SCNN1B: variants seen among roughly 807,000 people sequenced by gnomAD.
SCNN1B encodes epithelial sodium channel subunit beta.
In SCNN1B, 46 loss-of-function variants were observed where a neutral mutation model predicts 65.3. That is an observed-to-expected ratio of 0.70 (90% CI 0.56 to 0.90). SCNN1B has a LOEUF of 0.90. Among genes scored for constraint, SCNN1B ranks in the 40% least tolerant of loss-of-function variants. The probability of loss-of-function intolerance (pLI) is 0.00; values close to 1 mark genes in which losing one functional copy is unlikely to be tolerated. For synonymous variants in SCNN1B, 349 were observed against 330.6 expected, an observed-to-expected ratio of 1.06 and a Z score of -0.60; for missense variants, 751 against 830.5, an observed-to-expected ratio of 0.90 and a Z score of 1.18.
intron 2 of SCNN1B, among the ~76,000 whole-genome samples, chr16:23,351,418 A>G (rs7185826): frequency 0.087 from 13,254 of 152,206 alleles, 624 homozygotes; most frequent in Middle Eastern, 0.15. Context: ...TGACCCATCA[A>G]GCTTCCCAGA....
In SCNN1B at chr16:23,305,555, TATATATATATATATATATATATTATA is replaced by T. The variant is rs1961187770; in HGVS notation, c.-9+3119_-9+3144del. 2.4e-4 allele frequency among the ~76,000 whole-genome samples: 12 copies of T among 49,550 alleles called. 2 individuals are homozygous for T. Among genetic ancestry groups the T allele is most frequent in the African/African-American group, 1.5e-3 (9 of 6,160 alleles). The allele number at this position is 49,550 out of a possible 152,430, so 32.5% of individuals were successfully genotyped here. ...TATATTATATATATATATATATATA[TATATATATATATATATATATATTATA>T]TATATATATATATATATAACCTGGG... On this transcript the variant is annotated intron_variant, in intron 1 of 12. Coordinates refer to ENST00000343070, the MANE Select transcript of SCNN1B (RefSeq NM_000336.3).
intron 1 of SCNN1B, among the ~76,000 whole-genome samples, chr16:23,305,534 T>TATTA (rs1555483371): frequency 1.4e-4 from 1 of 7,372 alleles, no homozygotes; most frequent in Non-Finnish European, 2.6e-4. Flanking sequence ...AATATATATA[T>TATTA]TATATATATA....
intron 1 of SCNN1B, among the ~76,000 whole-genome samples, chr16:23,347,217 C>T (rs1962208739): frequency 6.6e-6 from 1 of 152,140 alleles, no homozygotes; most frequent in South Asian, 2.1e-4. Flanking sequence ...TGTTTCATAG[C>T]TCTGCTTTTT....
rs574936353 is a variant in SCNN1B, at chr16:23,334,573, T to G, written c.-8-14019T>G. On this transcript the variant is annotated intron_variant, in intron 1 of 12. Transcript: ENST00000343070. Reference sequence around the variant, plus strand: ...GGCACACCCGTCTGGACTGCCCTAGTCCTGCCTTAACCTGCAGCAGCTGTT... The same window carrying G: ...GGCACACCCGTCTGGACTGCCCTAGGCCTGCCTTAACCTGCAGCAGCTGTT... Among the ~76,000 whole-genome samples the G allele has an allele frequency of 3.9e-5, 6 of 152,346 alleles. No homozygotes were observed. The South Asian group carries it at 1.0e-3, about 26-fold the overall frequency.
At chr16:23,350,353 A>G (rs1962282281) in intron 2 of SCNN1B, among the ~76,000 whole-genome samples, 1 of 152,086 alleles carries the variant, frequency 6.6e-6, no homozygotes, top group Admixed American at 6.6e-5. Context: ...ATTCTTCCGG[A>G]TTGCCCGTTC....
chr16:23,289,437 G>C lies in SCNN1B; in HGVS notation n.178+5633G>C, dbSNP rs568937377. ...CTGGGCATGGTGGTGTGTAGTCCTG[G>C]ATACTCAGGAGGCTGAAGCTGGAGG... On this transcript the variant is annotated intron_variant and non_coding_transcript_variant, in intron 2 of 3. Coordinates refer to the SCNN1B transcript ENST00000569789. 2.6e-5 allele frequency among the ~76,000 whole-genome samples: 4 copies of C among 152,140 alleles called. No individual in the cohort carries two copies. The South Asian group carries it at 8.3e-4, about 32-fold the overall frequency.
At chr16:23,295,951 A>C (rs1960991031) in intron 2 of SCNN1B, among the ~76,000 whole-genome samples, 2 of 152,180 alleles carry the variant, frequency 1.3e-5, no homozygotes, top group South Asian at 4.1e-4. Context: ...ATGGAAAAGT[A>C]TGCGCTCTGA....
At chr16:23,292,103 T>C (rs1960933352) in intron 2 of SCNN1B, among the ~76,000 whole-genome samples, 1 of 150,198 alleles carries the variant, frequency 6.7e-6, no homozygotes, top group South Asian at 2.1e-4. Context: ...CCCTGCCCCC[T>C]GCTCTGCCCT....
At chr16:23,367,751 C>T (rs1962699424) in intron 4 of SCNN1B, 105 bp from the exon 5 acceptor site, 2 of 911,508 alleles carry the variant, frequency 2.2e-6, no homozygotes, top group Admixed American at 3.4e-5. Flanking sequence ...TCGCCTCTCC[C>T]TTTCGGAGCC....
At chr16:23,379,076 CCCAG>C (rs1962976832) in intron 11 of SCNN1B, among the ~76,000 whole-genome samples, 1 of 144,560 alleles carries the variant, frequency 6.9e-6, no homozygotes, top group African/African-American at 2.8e-5. Flanking sequence ...CATTCTCCCA[CCCAG>C]CCATCCTCCA....
At chr16:23,321,059 T>TA (rs1367430563) in intron 1 of SCNN1B, among the ~76,000 whole-genome samples, 8 of 152,152 alleles carry the variant, frequency 5.3e-5, no homozygotes, top group Non-Finnish European at 1.2e-4. Context: ...TATTTTATTT[T>TA]TTTGAGACAG....
chr16:23,303,027 C>A (rs1484853587), intron 1 of SCNN1B, among the ~76,000 whole-genome samples: 1 of 152,076 alleles, frequency 6.6e-6, no homozygotes, highest in Admixed American at 6.6e-5. Context: ...GTCCGGGGAA[C>A]GTGGGTTTCA....
At chr16:23,306,248 A>AG (rs1211617000) in intron 1 of SCNN1B, among the ~76,000 whole-genome samples, 1 of 152,160 alleles carries the variant, frequency 6.6e-6, no homozygotes, top group African/African-American at 2.4e-5. Flanking sequence ...TGTCAAAAAA[A>AG]AAAAAAAACC....
intron 1 of SCNN1B, among the ~76,000 whole-genome samples, chr16:23,280,514 T>C (rs1288072344): frequency 6.6e-6 from 1 of 152,204 alleles, no homozygotes; most frequent in Admixed American, 6.6e-5. Flanking sequence ...CCACCATGCC[T>C]GGCTGGTAGG....
At chr16:23,342,524 G>A (rs1233122690) in intron 1 of SCNN1B, among the ~76,000 whole-genome samples, 1 of 152,200 alleles carries the variant, frequency 6.6e-6, no homozygotes, top group Non-Finnish European at 1.5e-5. Flanking sequence ...TGGAATTATA[G>A]GCATGAGCCA....
chr16:23,279,259 T>C (rs1960751206), intron 1 of SCNN1B, among the ~76,000 whole-genome samples: 1 of 152,172 alleles, frequency 6.6e-6, no homozygotes, highest in South Asian at 2.1e-4. Context: ...TTTGTATTTT[T>C]AGTAGAGACG....
chr16:23,340,278 G>A (rs1962028528), intron 1 of SCNN1B, among the ~76,000 whole-genome samples: 1 of 152,112 alleles, frequency 6.6e-6, no homozygotes, highest in African/African-American at 2.4e-5. Context: ...CTTTTGAAAA[G>A]CAGAAGATTT....
At chr16:23,299,621 C>T (rs188023329), upstream of SCNN1B, among the ~76,000 whole-genome samples, 225 of 152,260 alleles carry the variant, frequency 1.5e-3, 1 homozygote, top group African/African-American at 5.2e-3. Flanking sequence ...TACAGAAATG[C>T]AAATCAAAAC....
chr16:23,287,630 A>G (rs898065637), intron 2 of SCNN1B, among the ~76,000 whole-genome samples: 1 of 151,744 alleles, frequency 6.6e-6, no homozygotes, highest in Non-Finnish European at 1.5e-5. Flanking sequence ...CTACAGATCC[A>G]CCTCCTGGAG....
Sources: allele counts gnomAD v4.1 joint callset (sites outside exome capture counted in the v4.1 genomes callset), GRCh38; gene constraint gnomAD v4.1.1; transcripts MANE v1.5; gene names NCBI Gene and HGNC (gene_info 2026-07-23, HGNC 2026-07-21).